The following OR51B5 variants were observed in gnomAD, a reference collection of about 807,000 sequenced individuals.
OR51B5 encodes olfactory receptor 51B5.
For missense variants in OR51B5, 456 were observed against 374.6 expected, an observed-to-expected ratio of 1.22 and a Z score of -1.79; for synonymous variants, 186 against 144.8, an observed-to-expected ratio of 1.28 and a Z score of -2.04.
At chr11:5,400,241 A>G (rs1849946033) in intron 1 of OR51B5, among the ~76,000 whole-genome samples, 1 of 152,216 alleles carries the variant, frequency 6.6e-6, no homozygotes, top group South Asian at 2.1e-4. Flanking sequence ...GTATCAGAGC[A>G]TGGTAAGTGT....
intron 1 of OR51B5, among the ~76,000 whole-genome samples, chr11:5,426,931 C>T (rs989501335): frequency 6.6e-6 from 1 of 152,206 alleles, no homozygotes; most frequent in African/African-American, 2.4e-5. Context: ...AACTTTCCAT[C>T]TATTCTTCTG....
chr11:5,378,936 A>G (rs527486461), intron 1 of OR51B5, among the ~76,000 whole-genome samples: 1 of 151,212 alleles, frequency 6.6e-6, no homozygotes, highest in East Asian at 1.9e-4. Flanking sequence ...TAGAAATACC[A>G]TTTGACCCAG....
chr11:5,361,997 A>T (rs1368749159), intron 1 of OR51B5, among the ~76,000 whole-genome samples: 1 of 152,222 alleles, frequency 6.6e-6, no homozygotes, highest in Non-Finnish European at 1.5e-5. Flanking sequence ...AACTTACCAA[A>T]TAGATTAGTG....
At chr11:5,440,584 T>C in intron 1 of OR51B5, 1 of 1,612,764 alleles carries the variant, frequency 6.2e-7, no homozygotes, top group Non-Finnish European at 8.5e-7. Context: ...GCCTGGGATT[T>C]ATGGAAGAAC....
At chr11:5,441,046 T>C (rs925772240) in intron 1 of OR51B5, 4 of 1,613,132 alleles carry the variant, frequency 2.5e-6, no homozygotes, top group African/African-American at 1.3e-5. Flanking sequence ...GGGAAGAGAG[T>C]GGTGAAACTC....
At chr11:5,501,536 CTT>C (rs781668194) in intron 1 of OR51B5, among the ~76,000 whole-genome samples, 1 of 147,740 alleles carries the variant, frequency 6.8e-6, no homozygotes, top group African/African-American at 2.4e-5. Flanking sequence ...TAATTTTCCT[CTT>C]GTCTAAGAAG....
intron 1 of OR51B5, among the ~76,000 whole-genome samples, chr11:5,490,369 TTGTGA>T (rs1414808928): frequency 6.6e-6 from 1 of 152,244 alleles, no homozygotes; most frequent in Admixed American, 6.5e-5. Context: ...CACAGGGTTA[TTGTGA>T]TAACAATTCT....
At chr11:5,500,722 A>G (rs1190902774) in intron 1 of OR51B5, among the ~76,000 whole-genome samples, 1 of 148,226 alleles carries the variant, frequency 6.7e-6, no homozygotes, top group East Asian at 2.0e-4. Context: ...GTCAGTGCAC[A>G]TGTCACCAAC....
intron 1 of OR51B5, among the ~76,000 whole-genome samples, chr11:5,423,593 G>A (rs376611607): frequency 4.6e-5 from 7 of 152,172 alleles, no homozygotes; most frequent in African/African-American, 9.6e-5. Context: ...TCACTCTCAC[G>A]GGTGATTGGA....
intron 1 of OR51B5, among the ~76,000 whole-genome samples, chr11:5,501,486 A>G (rs915210066): frequency 6.8e-6 from 1 of 147,952 alleles, no homozygotes; most frequent in Non-Finnish European, 1.5e-5. Context: ...AGCCTCCCAT[A>G]GTTGCACTCC....
intron 1 of OR51B5, among the ~76,000 whole-genome samples, chr11:5,369,449 T>C (rs1849418951): frequency 6.6e-6 from 1 of 152,170 alleles, no homozygotes; most frequent in African/African-American, 2.4e-5. Context: ...AACAGACTTT[T>C]TATATATTTT....
chr11:5,424,251 T>C (rs1443776942), intron 1 of OR51B5, among the ~76,000 whole-genome samples: 1 of 152,132 alleles, frequency 6.6e-6, no homozygotes, highest in Non-Finnish European at 1.5e-5. Context: ...AACTGAGCTC[T>C]TGTCACACAA....
At chr11:5,370,176 C>T (rs1164171570) in intron 1 of OR51B5, among the ~76,000 whole-genome samples, 2 of 152,148 alleles carry the variant, frequency 1.3e-5, no homozygotes, top group Non-Finnish European at 2.9e-5. Context: ...AAATAATGCT[C>T]ATAATCATCA....
chr11:5,428,139 C>G (rs928760420), intron 1 of OR51B5, among the ~76,000 whole-genome samples: 4 of 150,934 alleles, frequency 2.7e-5, no homozygotes, highest in African/African-American at 9.8e-5. Flanking sequence ...ATATATATCC[C>G]AAAAGACATG....
chr11:5,477,823 C>G (rs1339089933), intron 1 of OR51B5, among the ~76,000 whole-genome samples: 1 of 152,204 alleles, frequency 6.6e-6, no homozygotes, highest in Non-Finnish European at 1.5e-5. Flanking sequence ...AAACGGCGCA[C>G]CATGAGATTA....
chr11:5,413,039 G>T (rs1365562949), intron 1 of OR51B5, among the ~76,000 whole-genome samples: 2 of 47,396 alleles, frequency 4.2e-5, no homozygotes, highest in Non-Finnish European at 1.5e-4. Flanking sequence ...GCACCCCCCA[G>T]TAGGGCAGAC....
chr11:5,444,035 C>T (rs758668952), intron 1 of OR51B5, among the ~76,000 whole-genome samples: 1 of 152,114 alleles, frequency 6.6e-6, no homozygotes, highest in Non-Finnish European at 1.5e-5. Flanking sequence ...TAGGAAGACT[C>T]ATTGGTATTA....
At chr11:5,503,418 T>A (rs1846326014) in intron 1 of OR51B5, among the ~76,000 whole-genome samples, 1 of 107,238 alleles carries the variant, frequency 9.3e-6, no homozygotes, top group South Asian at 3.5e-4. Flanking sequence ...AAACTACACT[T>A]TTTTTTACAA....
intron 1 of OR51B5, among the ~76,000 whole-genome samples, chr11:5,384,640 C>T (rs1849657499): frequency 6.6e-6 from 1 of 152,196 alleles, no homozygotes; most frequent in African/African-American, 2.4e-5. Context: ...TCCTGCCGAG[C>T]CATCTGGTAT....
Sources: allele counts gnomAD v4.1 joint callset (sites outside exome capture counted in the v4.1 genomes callset), GRCh38; gene constraint gnomAD v4.1.1; transcripts MANE v1.5; gene names NCBI Gene and HGNC (gene_info 2026-07-23, HGNC 2026-07-21).